Variants in CEP128 observed in about 807,000 individuals in gnomAD.
CEP128 encodes the protein centrosomal protein 128, also known as centrosomal protein 128kDa.
CEP128 carries 132 observed loss-of-function variants against 156.7 expected under a neutral mutation model. The ratio of observed to expected loss-of-function variants is 0.84; its 90% CI spans 0.73 to 0.97. The LOEUF is 0.97. Ranked by LOEUF, CEP128 falls within the 50% of genes least tolerant of loss-of-function variation. The pLI is 0.00. For synonymous variants in CEP128, 469 were observed against 448.9 expected, an observed-to-expected ratio of 1.04 and a Z score of -0.57; for missense variants, 1,252 against 1,281.9, an observed-to-expected ratio of 0.98 and a Z score of 0.36.
chr14:80,577,754 A>G (rs2140435350), intron 20 of CEP128, among the ~76,000 whole-genome samples: 1 of 152,178 alleles, frequency 6.6e-6, no homozygotes, highest in East Asian at 1.9e-4. Context: ...CCCTTTTCCA[A>G]TTTCTCATAT....
intron 20 of CEP128, among the ~76,000 whole-genome samples, chr14:80,579,117 T>C (rs1432096114): frequency 1.3e-5 from 2 of 152,228 alleles, no homozygotes; most frequent in Non-Finnish European, 2.9e-5. Flanking sequence ...AGGCCAGACA[T>C]ATACTCAATA....
rs570596518 is a variant in CEP128 at position 80,882,533 on chromosome 14, C to G, written c.645+13185G>C. 7.2e-5 allele frequency among the ~76,000 whole-genome samples: 11 copies of G among 152,268 alleles called. No homozygotes were observed. The East Asian group carries it at 2.1e-3, about 29-fold the overall frequency. ...TGAAGGGTCCTCAAAAAACTAAAAA[C>G]AGAGCTACCACATGATCCAGCAATT... On this transcript the variant is annotated intron_variant, in intron 8 of 24. Coordinates refer to ENST00000555265, the MANE Select transcript of CEP128 (RefSeq NM_152446.5).
intron 2 of CEP128, among the ~76,000 whole-genome samples, chr14:80,948,172 A>C (rs1886387107): frequency 6.6e-6 from 1 of 152,236 alleles, no homozygotes; most frequent in Non-Finnish European, 1.5e-5. Flanking sequence ...CTCTCTTTAC[A>C]TCAGCAGAAA....
intron 22 of CEP128, among the ~76,000 whole-genome samples, chr14:80,528,257 TAATGTTTAAATATGGAATTATAGA>T (rs2140269307): frequency 6.6e-6 from 1 of 152,366 alleles, no homozygotes; most frequent in Non-Finnish European, 1.5e-5. Flanking sequence ...ATCAAAAATG[TAATGTTTAAATATGGAATTATAGA>T]GCTGAAACAA....
At chr14:80,901,246 T>G (rs1410033843) in intron 6 of CEP128, among the ~76,000 whole-genome samples, 1 of 152,030 alleles carries the variant, frequency 6.6e-6, no homozygotes, top group African/African-American at 2.4e-5. Flanking sequence ...GGTATGATAA[T>G]GCTTTATTTA....
At chr14:80,674,398 T>G (rs1428934123) in intron 19 of CEP128, among the ~76,000 whole-genome samples, 1 of 152,160 alleles carries the variant, frequency 6.6e-6, no homozygotes, top group Non-Finnish European at 1.5e-5. Context: ...TTCTGCTTAC[T>G]AACAAGTGAT....
At chr14:80,906,109 C>T (rs200947689) in intron 4 of CEP128, 28 bp from the exon 5 acceptor site, 16 of 1,495,754 alleles carry the variant, frequency 1.1e-5, no homozygotes, top group East Asian at 7.3e-5. Flanking sequence ...ATGAATGAAG[C>T]GTTATTCTTC....
chr14:80,547,099 G>T (rs1890016868), intron 21 of CEP128, among the ~76,000 whole-genome samples: 2 of 152,258 alleles, frequency 1.3e-5, no homozygotes, highest in Non-Finnish European at 2.9e-5. Flanking sequence ...GTCAACTGAG[G>T]TGTTTAATAT....
At chr14:80,831,343 G>A in intron 12 of CEP128, 49 bp from the exon 13 acceptor site, 1 of 1,582,394 alleles carries the variant, frequency 6.3e-7, no homozygotes, top group Non-Finnish European at 8.7e-7. Context: ...ATTCACAGAA[G>A]AATGTACTTT....
chr14:80,718,755 CA>C (rs1211773458), intron 19 of CEP128, among the ~76,000 whole-genome samples: 1 of 152,054 alleles, frequency 6.6e-6, no homozygotes, highest in Non-Finnish European at 1.5e-5. Flanking sequence ...CAGTTTAAAC[CA>C]AAACAAGAGG....
chr14:80,947,671 C>A (rs1192868031), intron 2 of CEP128, among the ~76,000 whole-genome samples: 1 of 151,880 alleles, frequency 6.6e-6, no homozygotes, highest in Non-Finnish European at 1.5e-5. Flanking sequence ...ATACCATGAA[C>A]AAAAGAAAAG....
Position 80,793,119 on chromosome 14 carries a change from A to G in CEP128, c.1210-9T>C, listed in dbSNP as rs759859588. 1.3e-5 allele frequency: 20 copies of G among 1,598,890 alleles called. No individual in the cohort carries two copies. In the East Asian group the frequency reaches 4.3e-4, roughly 34 times the overall value. Reference sequence around the variant, plus strand: ...AGTTCACGTGTTAAATTCTACGAATAAAGCATGCAAAACATTAGGAACAAA... The same window carrying G: ...AGTTCACGTGTTAAATTCTACGAATGAAGCATGCAAAACATTAGGAACAAA... On this transcript the variant is annotated splice_polypyrimidine_tract_variant and intron_variant, in intron 13 of 24. Coordinates refer to ENST00000555265, the MANE Select transcript of CEP128 (RefSeq NM_152446.5).
At chr14:80,809,473 G>C (rs950756872) in intron 13 of CEP128, among the ~76,000 whole-genome samples, 3 of 152,116 alleles carry the variant, frequency 2.0e-5, no homozygotes, top group African/African-American at 4.8e-5. Context: ...AACTTCTCAA[G>C]TCTTGAGAAA....
At chr14:80,538,479 T>C (rs1248031308) in intron 21 of CEP128, among the ~76,000 whole-genome samples, 52 of 152,244 alleles carry the variant, frequency 3.4e-4, no homozygotes, top group Middle Eastern at 6.8e-3. Context: ...TCTTCAAGCA[T>C]ACAGGAAATG....
At chr14:80,686,547 T>G (rs1478865921) in intron 19 of CEP128, among the ~76,000 whole-genome samples, 1 of 152,158 alleles carries the variant, frequency 6.6e-6, no homozygotes, top group African/African-American at 2.4e-5. Flanking sequence ...GTTAGCATCA[T>G]GATGATAGAA....
intron 18 of CEP128, among the ~76,000 whole-genome samples, chr14:80,754,459 C>CT (rs758603562): frequency 0.021 from 2,250 of 104,750 alleles, 50 homozygotes; most frequent in African/African-American, 0.047. Context: ...ATGTCCTGTT[C>CT]TTTTTTTTTT....
intron 19 of CEP128, among the ~76,000 whole-genome samples, chr14:80,668,343 C>G (rs144954479): frequency 0.026 from 3,899 of 151,588 alleles, 85 homozygotes; most frequent in Non-Finnish European, 0.041. Flanking sequence ...AACACAGAGG[C>G]ATATATAAAA....
intron 9 of CEP128, among the ~76,000 whole-genome samples, chr14:80,846,727 C>A (rs765972532): frequency 6.6e-6 from 1 of 152,114 alleles, no homozygotes; most frequent in Non-Finnish European, 1.5e-5. Context: ...CTTCAGAAGA[C>A]ATGACATAAA....
At chr14:80,536,710 C>T (rs1193918024) in intron 21 of CEP128, among the ~76,000 whole-genome samples, 1 of 152,220 alleles carries the variant, frequency 6.6e-6, no homozygotes, top group Non-Finnish European at 1.5e-5. Flanking sequence ...GTATAAGACA[C>T]TCACTGGAAC....
Sources: gnomAD v4.1 joint callset for allele counts (sites outside exome capture counted in the v4.1 genomes callset) on GRCh38, gnomAD v4.1.1 for gene constraint, MANE v1.5 for transcripts, NCBI Gene and HGNC (gene_info 2026-07-23, HGNC 2026-07-21) for gene names.